TBC1D14: variants seen among roughly 807,000 people sequenced by gnomAD.
TBC1D14 encodes the protein TBC1 domain family, member 14.
A neutral mutation model predicts 79.0 loss-of-function variants in TBC1D14; 26 were observed. The observed-to-expected ratio is 0.33, with a 90% CI of 0.24 to 0.46. The LOEUF (loss-of-function observed/expected upper bound fraction) is 0.46. Ranked by LOEUF, TBC1D14 falls within the 20% of genes least tolerant of loss-of-function variation. The probability of loss-of-function intolerance (pLI) is 1.00; values close to 1 mark genes in which losing one functional copy is unlikely to be tolerated. For missense variants in TBC1D14, 769 were observed against 887.6 expected (o/e 0.87, Z 1.70); for synonymous variants, 394 against 349.9 (o/e 1.13, Z -1.40).
chr4:6,973,968 C>T (rs1018189834), intron 3 of TBC1D14, among the ~76,000 whole-genome samples: 3 of 152,158 alleles, frequency 2.0e-5, no homozygotes, highest in African/African-American at 4.8e-5. Context: ...GGACTACAGG[C>T]GTGCACCACC....
chr4:7,005,359 C>T (rs758345949), intron 8 of TBC1D14, among the ~76,000 whole-genome samples: 20 of 152,122 alleles, frequency 1.3e-4, no homozygotes, highest in Non-Finnish European at 2.1e-4. Context: ...CATGGCGAGA[C>T]CCCCGTCTCT....
chr4:6,937,283 A>G (rs548957299), intron 2 of TBC1D14, among the ~76,000 whole-genome samples: 8 of 152,224 alleles, frequency 5.3e-5, no homozygotes, highest in Non-Finnish European at 1.2e-4. Context: ...TTTGTTTCCC[A>G]CAGTTCTGGA....
At chr4:6,935,726 C>G (rs1275772060) in intron 2 of TBC1D14, among the ~76,000 whole-genome samples, 1 of 150,838 alleles carries the variant, frequency 6.6e-6, no homozygotes, top group Non-Finnish European at 1.5e-5. Context: ...TCAATGCAGT[C>G]TCTGCCTCCC....
At chr4:6,947,893 A>C (rs150117248) in intron 2 of TBC1D14, among the ~76,000 whole-genome samples, 3 of 152,208 alleles carry the variant, frequency 2.0e-5, no homozygotes, top group Admixed American at 2.0e-4. Flanking sequence ...TCTATCTGGC[A>C]GGTTTTATGT....
intron 2 of TBC1D14, 114 bp from the exon 3 acceptor site, chr4:6,967,190 A>T: frequency 1.5e-6 from 2 of 1,325,082 alleles, no homozygotes; most frequent in Non-Finnish European, 2.1e-6. Context: ...CTGAAGAATT[A>T]AAGTACGTGG....
intron 2 of TBC1D14, among the ~76,000 whole-genome samples, chr4:6,933,498 G>A (rs939090075): frequency 4.0e-5 from 6 of 151,480 alleles, no homozygotes; most frequent in African/African-American, 1.5e-4. Flanking sequence ...TAGAGACATG[G>A]TCTCACTTTG....
In TBC1D14 at chr4:6,947,783, G is replaced by T. The variant is rs140858249; in HGVS notation, c.723-19521G>T. Among the ~76,000 whole-genome samples the T allele has an allele frequency of 1.1e-3, 165 of 152,244 alleles. 1 individual carries two copies. The highest frequency in any genetic ancestry group is 6.8e-3 in the Middle Eastern group (2 of 294). On this transcript the variant is annotated intron_variant, in intron 2 of 13. Coordinates refer to ENST00000409757, the MANE Select transcript of TBC1D14 (RefSeq NM_020773.3). Reference sequence around the variant, plus strand: ...ATTTCAAGGAGAGTATGACTTCAGGGAGAACACTAGATCTTGCTTTGGACT... The same window carrying T: ...ATTTCAAGGAGAGTATGACTTCAGGTAGAACACTAGATCTTGCTTTGGACT...
At chr4:7,012,447 C>G (rs1265021639) in intron 11 of TBC1D14, among the ~76,000 whole-genome samples, 1 of 152,164 alleles carries the variant, frequency 6.6e-6, no homozygotes, top group Non-Finnish European at 1.5e-5. Flanking sequence ...ATAAGAATCA[C>G]TTCTAAGAAA....
chr4:7,027,290 AC>A (rs56043928), intron 13 of TBC1D14, among the ~76,000 whole-genome samples: 119,206 of 139,850 alleles, frequency 0.85, 50,874 homozygotes, highest in East Asian at 0.98. Context: ...TACATATGTC[AC>A]CCCCCCCACA....
chr4:6,982,719 C>T (rs546711442), intron 3 of TBC1D14, among the ~76,000 whole-genome samples: 131 of 152,272 alleles, frequency 8.6e-4, no homozygotes, highest in African/African-American at 3.1e-3. Flanking sequence ...GATCGCAGCA[C>T]AAGTGATTGG....
chr4:6,977,027 G>GCTCCCTCCTCTCCCA (rs1716773216), intron 3 of TBC1D14, among the ~76,000 whole-genome samples: 1 of 68,196 alleles, frequency 1.5e-5, no homozygotes. Flanking sequence ...AAATCAGGGC[G>GCTCCCTCCTCTCCCA]CTCCCTCCTC....
At chr4:6,913,296 A>G (rs550109978) in intron 1 of TBC1D14, among the ~76,000 whole-genome samples, 1 of 152,300 alleles carries the variant, frequency 6.6e-6, no homozygotes, top group South Asian at 2.1e-4. Flanking sequence ...CGCCTGGCCT[A>G]TTTTATTTTT....
rs146168139 is a variant in TBC1D14, at chr4:6,983,576, G to C, written c.844-10608G>C. Among the ~76,000 whole-genome samples the C allele has an allele frequency of 7.2e-5, 11 of 152,288 alleles. No individual in the cohort carries two copies. In the East Asian group the frequency reaches 2.1e-3, roughly 29 times the overall value. ...GACTGGGATCGTTTGGTGGAGAACA[G>C]GTCTATCAGGAGATTATCCCATAAA... On this transcript the variant is annotated intron_variant, in intron 3 of 13. Transcript: ENST00000409757.
At chr4:7,012,129 G>C (rs1720841421) in intron 11 of TBC1D14, among the ~76,000 whole-genome samples, 1 of 151,786 alleles carries the variant, frequency 6.6e-6, no homozygotes, top group Non-Finnish European at 1.5e-5. Flanking sequence ...GTGAAACCCC[G>C]TCTCTACTAA....
chr4:6,932,295 A>G (rs527740015), intron 2 of TBC1D14, among the ~76,000 whole-genome samples: 1 of 151,862 alleles, frequency 6.6e-6, no homozygotes, highest in South Asian at 2.1e-4. Flanking sequence ...TTCGGGCTTG[A>G]ACCCTGGCAG....
At chr4:7,025,763 C>T (rs2109318593) in intron 13 of TBC1D14, among the ~76,000 whole-genome samples, 2 of 152,320 alleles carry the variant, frequency 1.3e-5, no homozygotes, top group Admixed American at 1.3e-4. Flanking sequence ...TGGGTCTTCC[C>T]ATGCGCTGCT....
chr4:7,027,154 T>G (rs1722460088), intron 13 of TBC1D14, among the ~76,000 whole-genome samples: 1 of 151,854 alleles, frequency 6.6e-6, no homozygotes, highest in African/African-American at 2.4e-5. Context: ...GAGGTTGCAG[T>G]GAGCCAAGAT....
chr4:6,954,071 T>G (rs951608799), intron 2 of TBC1D14: 1 of 566,488 alleles, frequency 1.8e-6, no homozygotes, highest in Non-Finnish European at 3.2e-6. Context: ...TTCCCAGACT[T>G]TGGGCTCACT....
At chr4:6,925,232 A>G (rs1315713777) in intron 2 of TBC1D14, among the ~76,000 whole-genome samples, 3 of 152,120 alleles carry the variant, frequency 2.0e-5, no homozygotes, top group Non-Finnish European at 4.4e-5. Context: ...GCGCCACCGC[A>G]CTCCAGCCTG....
Sources: gnomAD v4.1 joint callset for allele counts (sites outside exome capture counted in the v4.1 genomes callset) on GRCh38, gnomAD v4.1.1 for gene constraint, MANE v1.5 for transcripts, NCBI Gene and HGNC (gene_info 2026-07-23, HGNC 2026-07-21) for gene names.